Variants in ALG9 observed in about 807,000 individuals in gnomAD.
ALG9 encodes the protein ALG9 alpha-1,2-mannosyltransferase.
A neutral mutation model predicts 81.8 loss-of-function variants in ALG9; 55 were observed. The ratio of observed to expected loss-of-function variants is 0.67; its 90% CI spans 0.54 to 0.84. ALG9 has a LOEUF of 0.84. Ranked by LOEUF, ALG9 falls within the 40% of genes least tolerant of loss-of-function variation. The probability of loss-of-function intolerance (pLI) is 0.00; values close to 1 mark genes in which losing one functional copy is unlikely to be tolerated. For missense variants in ALG9, 629 were observed against 745.0 expected, an observed-to-expected ratio of 0.84 and a Z score of 1.81; for synonymous variants, 278 against 274.3, an observed-to-expected ratio of 1.01 and a Z score of -0.13.
At chr11:111,802,734 T>C (rs1261039743) in intron 14 of ALG9, among the ~76,000 whole-genome samples, 2 of 152,210 alleles carry the variant, frequency 1.3e-5, no homozygotes, top group African/African-American at 2.4e-5. Context: ...GCTGTAACTA[T>C]ACAAAAGTGA....
At chr11:111,833,563 G>A (rs934053169) in intron 13 of ALG9, among the ~76,000 whole-genome samples, 13 of 152,160 alleles carry the variant, frequency 8.5e-5, no homozygotes, top group Middle Eastern at 3.4e-3. Flanking sequence ...CAATAGAAAC[G>A]GGACAGGCTG....
At chr11:111,775,093 T>C in the ALG9 span, among the ~76,000 whole-genome samples, 6 of 150,570 alleles carry the variant, frequency 4.0e-5, no homozygotes, top group Non-Finnish European at 8.9e-5. Context: ...CGGCCACTTA[T>C]CATCATGTCT....
At chr11:111,800,886 C>T (rs1421179320) in intron 14 of ALG9, among the ~76,000 whole-genome samples, 1 of 152,094 alleles carries the variant, frequency 6.6e-6, no homozygotes, top group Non-Finnish European at 1.5e-5. Context: ...GAAGAAAGAA[C>T]AAATGATCTG....
chr11:111,810,302 A>G (rs1313173965), intron 13 of ALG9, among the ~76,000 whole-genome samples: 2 of 152,210 alleles, frequency 1.3e-5, no homozygotes, highest in Non-Finnish European at 2.9e-5. Context: ...TCCTGCAGCG[A>G]AAGTTTAGTA....
At chr11:111,787,307 C>T (rs369874271) in intron 14 of ALG9, among the ~76,000 whole-genome samples, 4 of 151,878 alleles carry the variant, frequency 2.6e-5, no homozygotes, top group African/African-American at 9.6e-5. Context: ...GTGGTGCATG[C>T]CTGTAATCCC....
At chr11:111,815,392 G>A (rs531704404) in intron 13 of ALG9, among the ~76,000 whole-genome samples, 58 of 152,196 alleles carry the variant, frequency 3.8e-4, no homozygotes, top group Middle Eastern at 3.4e-3. Context: ...AACAGAGCAA[G>A]ACCCTGTCTC....
At chr11:111,802,905 G>A (rs1373146101) in intron 14 of ALG9, among the ~76,000 whole-genome samples, 2 of 151,938 alleles carry the variant, frequency 1.3e-5, no homozygotes, top group South Asian at 2.1e-4. Context: ...CATCCCTTAA[G>A]CTCCTTTCTC....
chr11:111,809,817 TC>T (rs1565753939), intron 13 of ALG9, 44 bp from the exon 14 acceptor site: 4 of 1,610,012 alleles, frequency 2.5e-6, no homozygotes, highest in Non-Finnish European at 3.4e-6. Flanking sequence ...ATTTTGAAGG[TC>T]CCTTCAGGGT....
At chr11:111,866,627 A>G (rs1454156876) in intron 3 of ALG9, among the ~76,000 whole-genome samples, 2 of 151,956 alleles carry the variant, frequency 1.3e-5, no homozygotes, top group Non-Finnish European at 2.9e-5. Context: ...TGCTGTGCAC[A>G]TCAGTGATGT....
At chr11:111,780,406 G>GTTTTTTGT (rs1555056520), downstream of ALG9, among the ~76,000 whole-genome samples, 20 of 139,846 alleles carry the variant, frequency 1.4e-4, no homozygotes, top group Admixed American at 1.1e-3. Flanking sequence ...TTTGTTTTTT[G>GTTTTTTGT]TTTTTTTTGA....
intron 10 of ALG9, among the ~76,000 whole-genome samples, chr11:111,840,352 G>A (rs1031651027): frequency 4.6e-5 from 7 of 152,164 alleles, no homozygotes; most frequent in Non-Finnish European, 1.0e-4. Flanking sequence ...TGATCTAGCA[G>A]TTCAAAGAGC....
intron 14 of ALG9, among the ~76,000 whole-genome samples, chr11:111,803,620 C>T (rs1407599816): frequency 6.6e-6 from 1 of 151,934 alleles, no homozygotes; most frequent in Non-Finnish European, 1.5e-5. Flanking sequence ...ACAAATAGGT[C>T]AGTGAAACAG....
intron 8 of ALG9, among the ~76,000 whole-genome samples, chr11:111,846,599 G>A (rs78790496): frequency 3.5e-3 from 527 of 152,292 alleles, no homozygotes; most frequent in African/African-American, 0.012. Context: ...CAACTAGGCT[G>A]TGAACATTTC....
intron 6 of ALG9, among the ~76,000 whole-genome samples, chr11:111,857,333 T>C (rs1958863957): frequency 6.6e-6 from 1 of 152,206 alleles, no homozygotes; most frequent in Non-Finnish European, 1.5e-5. Flanking sequence ...AATAATTGTA[T>C]TTCTCCTGCA....
chr11:111,850,487 T>C (rs1333484046), intron 8 of ALG9, among the ~76,000 whole-genome samples: 3 of 150,946 alleles, frequency 2.0e-5, no homozygotes, highest in African/African-American at 7.3e-5. Flanking sequence ...AGGCAGATCA[T>C]TTGAGGTCAG....
intron 12 of ALG9, chr11:111,836,775 T>TA (rs1955365456): frequency 5.7e-6 from 1 of 176,670 alleles, no homozygotes; most frequent in Non-Finnish European, 1.2e-5. Context: ...AGTCAACACT[T>TA]AAAAAACAAG....
intron 2 of ALG9, among the ~76,000 whole-genome samples, chr11:111,869,973 G>A (rs1566307857): frequency 6.6e-6 from 1 of 151,910 alleles, no homozygotes; most frequent in Non-Finnish European, 1.5e-5. Context: ...CACCATGCCC[G>A]GCTAATTTTT....
intron 4 of ALG9, among the ~76,000 whole-genome samples, chr11:111,862,988 G>C (rs1031969014): frequency 6.6e-6 from 1 of 151,964 alleles, no homozygotes; most frequent in African/African-American, 2.4e-5. Flanking sequence ...CTTTATCTCT[G>C]GTAATTTTCA....
chr11:111,768,732 G>A, the ALG9 span: 2 of 149,512 alleles, frequency 1.3e-5, no homozygotes, highest in Non-Finnish European at 2.9e-5. Flanking sequence ...CACAATCATA[G>A]CTCACTGTAA....
Sources: allele counts gnomAD v4.1 joint callset (sites outside exome capture counted in the v4.1 genomes callset), GRCh38; gene constraint gnomAD v4.1.1; transcripts MANE v1.5; gene names NCBI Gene and HGNC (gene_info 2026-07-23, HGNC 2026-07-21).